Variants in ADGRL2 observed in about 807,000 individuals in gnomAD.
The protein encoded by ADGRL2 is calcium-independent alpha-latrotoxin receptor 2.
Under a neutral mutation model 157.4 loss-of-function variants are expected in ADGRL2, and 44 were observed. The observed-to-expected ratio is 0.28, with a 90% CI of 0.22 to 0.36. ADGRL2 has a LOEUF of 0.36. Among genes scored for constraint, ADGRL2 ranks in the 10% least tolerant of loss-of-function variants. The pLI is 1.00. For synonymous variants in ADGRL2, 585 were observed against 624.7 expected (o/e 0.94, Z 0.95); for missense variants, 1,510 against 1,768.9 (o/e 0.85, Z 2.63).
intron 2 of ADGRL2, among the ~76,000 whole-genome samples, chr1:81,871,929 A>C (rs2093706682): frequency 6.6e-6 from 1 of 152,084 alleles, no homozygotes; most frequent in Admixed American, 6.6e-5. Flanking sequence ...GAAGCTCTTT[A>C]GTTTAATTAG....
intron 1 of ADGRL2, among the ~76,000 whole-genome samples, chr1:81,738,559 G>A (rs2084974049): frequency 6.6e-6 from 1 of 152,160 alleles, no homozygotes; most frequent in South Asian, 2.1e-4. Flanking sequence ...TACAGAAAAA[G>A]CAGACAGCCT....
At chr1:81,326,352 C>A (rs937229174) in intron 1 of ADGRL2, among the ~76,000 whole-genome samples, 2 of 152,060 alleles carry the variant, frequency 1.3e-5, no homozygotes, top group African/African-American at 4.8e-5. Flanking sequence ...TTAATAAGAC[C>A]GTCTGTTAAG....
At chr1:81,508,059 T>C (rs2079010857) in intron 2 of ADGRL2, among the ~76,000 whole-genome samples, 1 of 152,256 alleles carries the variant, frequency 6.6e-6, no homozygotes, top group Non-Finnish European at 1.5e-5. Flanking sequence ...TTTAATTTAT[T>C]AGCATGAATT....
At chr1:81,509,773 G>A (rs915049908) in intron 2 of ADGRL2, among the ~76,000 whole-genome samples, 14 of 152,166 alleles carry the variant, frequency 9.2e-5, no homozygotes, top group Non-Finnish European at 1.3e-4. Flanking sequence ...CCAGGCAAGC[G>A]CTCTATTGAA....
chr1:81,665,462 T>C (rs72939271), intron 3 of ADGRL2, among the ~76,000 whole-genome samples: 1 of 152,252 alleles, frequency 6.6e-6, no homozygotes, highest in African/African-American at 2.4e-5. Flanking sequence ...CTCATGAAGG[T>C]ATTACTAATC....
At chr1:81,798,062 A>T (rs990668280), upstream of ADGRL2, among the ~76,000 whole-genome samples, 34 of 152,208 alleles carry the variant, frequency 2.2e-4, no homozygotes, top group African/African-American at 8.0e-4. Flanking sequence ...TTGAGTAATT[A>T]AATTGATTGG....
intron 1 of ADGRL2, among the ~76,000 whole-genome samples, chr1:81,438,495 T>A (rs1216338401): frequency 6.6e-6 from 1 of 152,184 alleles, no homozygotes; most frequent in Non-Finnish European, 1.5e-5. Flanking sequence ...ATATAGACTA[T>A]CTCTTCCCGA....
chr1:81,358,770 A>G (rs781616160), intron 1 of ADGRL2, among the ~76,000 whole-genome samples: 18 of 152,250 alleles, frequency 1.2e-4, no homozygotes, highest in South Asian at 6.2e-4. Flanking sequence ...AGTAAGTGAA[A>G]CAGATGAGTT....
At chr1:81,917,359 A>G (rs2094880264) in intron 3 of ADGRL2, among the ~76,000 whole-genome samples, 1 of 152,170 alleles carries the variant, frequency 6.6e-6, no homozygotes, top group South Asian at 2.1e-4. Context: ...TGTGCCTTGC[A>G]TATTTTAAAG....
chr1:81,487,091 C>CAAA (rs146122539), intron 2 of ADGRL2, among the ~76,000 whole-genome samples: 108 of 85,064 alleles, frequency 1.3e-3, no homozygotes, highest in East Asian at 3.7e-3. Context: ...CTCATCTCTA[C>CAAA]AAAAAAAAAA....
chr1:81,971,186 G>T lies in ADGRL2; in HGVS notation c.2954+652G>T, dbSNP rs1658621060. On this transcript the variant is annotated intron_variant, in intron 16 of 23. Coordinates refer to ENST00000686636, the MANE Select transcript of ADGRL2 (RefSeq NM_001366006.2). ...TTATATAAAGATTCTTTGGACTAAA[G>T]AAAGCTTTTTGACTGTACAGATGAT... 2.0e-5 allele frequency among the ~76,000 whole-genome samples: 3 copies of T among 152,056 alleles called. No homozygotes were observed. The South Asian group carries it at 6.2e-4, about 31-fold the overall frequency.
chr1:81,960,667 G>A (rs549722080), intron 11 of ADGRL2, among the ~76,000 whole-genome samples: 70 of 152,072 alleles, frequency 4.6e-4, no homozygotes, highest in Admixed American at 8.5e-4. Context: ...TAGAGACAGA[G>A]TTTCACTATG....
intron 2 of ADGRL2, among the ~76,000 whole-genome samples, chr1:81,871,149 T>G (rs1227462044): frequency 7.2e-6 from 1 of 139,700 alleles, no homozygotes; most frequent in African/African-American, 2.7e-5. Flanking sequence ...GTGTTCTCAC[T>G]GTTCAGTTCC....
chr1:81,966,095 C>G lies in ADGRL2; in HGVS notation c.2055C>G (p.Ile685Met), dbSNP rs1656965434. ...EVAVLSTEGQ[I>M]QDFKFPLGIK... ...CCGTACTCAGTACAGAAGGACAGAT[C>G]CAAGACTTTAAATTTCCTCTGGGCA... The change falls in exon 12 of 24, where the codon ATC (isoleucine) becomes ATG (methionine). Residue 685 changes from isoleucine to methionine, a missense_variant. This residue lies in a region of ADGRL2 where 325 missense variants were observed against 333.2 expected (regional missense o/e 0.98). Coordinates refer to ENST00000686636, the MANE Select transcript of ADGRL2 (RefSeq NM_001366006.2). 1 of 1,613,946 alleles carries G rather than the reference C, an allele frequency of 6.2e-7. No individual in the cohort carries two copies. The highest frequency in any genetic ancestry group is 1.3e-5 in the African/African-American group (1 of 74,916).
chr1:81,508,334 A>T (rs1485027038), intron 2 of ADGRL2, among the ~76,000 whole-genome samples: 1 of 152,192 alleles, frequency 6.6e-6, no homozygotes, highest in Non-Finnish European at 1.5e-5. Flanking sequence ...GTGTTGCCTT[A>T]TATTTTAGTT....
intron 2 of ADGRL2, among the ~76,000 whole-genome samples, chr1:81,556,565 A>G (rs924862778): frequency 1.3e-5 from 2 of 151,944 alleles, no homozygotes; most frequent in African/African-American, 2.4e-5. Flanking sequence ...CAAAACCACC[A>G]TTAAAGAAAC....
chr1:81,825,636 C>T (rs992802451), intron 1 of ADGRL2, among the ~76,000 whole-genome samples: 3 of 141,432 alleles, frequency 2.1e-5, no homozygotes, highest in African/African-American at 8.0e-5. Context: ...TGAGTCACCG[C>T]ACCTGGCCAG....
At chr1:81,749,500 C>CT (rs977961903) in intron 1 of ADGRL2, among the ~76,000 whole-genome samples, 1 of 151,964 alleles carries the variant, frequency 6.6e-6, no homozygotes, top group African/African-American at 2.4e-5. Flanking sequence ...TGTTGATTGT[C>CT]TTTTTTCCTG....
At chr1:81,671,919 A>G (rs904189267) in intron 3 of ADGRL2, among the ~76,000 whole-genome samples, 1 of 152,154 alleles carries the variant, frequency 6.6e-6, no homozygotes, top group Non-Finnish European at 1.5e-5. Context: ...GTGTATATGG[A>G]TATGTTTGTG....
Sources: allele counts gnomAD v4.1 joint callset (sites outside exome capture counted in the v4.1 genomes callset), GRCh38; gene constraint gnomAD v4.1.1; regional missense constraint gnomAD v4.1.1; transcripts MANE v1.5; gene names NCBI Gene and HGNC (gene_info 2026-07-23, HGNC 2026-07-21).